Variants in FUT9 observed in about 807,000 individuals in gnomAD.
FUT9 encodes the protein fucosyltransferase 9.
In FUT9, 15 loss-of-function variants were observed where a neutral mutation model predicts 29.7. That is an observed-to-expected ratio of 0.51 (90% confidence interval 0.34 to 0.78). FUT9 has a LOEUF of 0.78. Ranked by LOEUF, FUT9 falls within the 30% of genes least tolerant of loss-of-function variation. The pLI, the probability that FUT9 is intolerant of heterozygous loss-of-function variation, is 0.01. For missense variants in FUT9, 319 were observed against 425.4 expected (o/e 0.75, Z 2.20); for synonymous variants, 169 against 153.7 (o/e 1.10, Z -0.74).
intron 2 of FUT9, among the ~76,000 whole-genome samples, chr6:96,185,089 T>C (rs933062165): frequency 6.6e-6 from 1 of 152,032 alleles, no homozygotes; most frequent in Non-Finnish European, 1.5e-5. Context: ...AATCCCCTGA[T>C]AATCAAAAGA....
chr6:96,167,899 T>C (rs1434893065), intron 2 of FUT9, among the ~76,000 whole-genome samples: 1 of 151,954 alleles, frequency 6.6e-6, no homozygotes. Flanking sequence ...GCCAGGGAAC[T>C]GGGGGAAAAG....
rs1773940004 is a variant in FUT9, at chr6:96,211,701, T to G, written c.*7466T>G. 2 of 171,034 alleles carry G rather than the reference T, an allele frequency of 1.2e-5. No homozygotes were observed. The allele number at this position is 171,034 out of a possible 1,614,324, so 10.6% of individuals were successfully genotyped here. On this transcript the variant is annotated 3_prime_UTR_variant, in exon 3 of 3. Coordinates refer to ENST00000302103, the MANE Select transcript of FUT9 (RefSeq NM_006581.4). The stretch of plus-strand genomic sequence containing the variant: ...TCTCAGTTGTTCAAGTGTACAAATT[T>G]AAAGCTGTACTATGTTAGAATAAAA...
In FUT9 at chr6:96,209,398, A is replaced by G. The variant is rs890862561; in HGVS notation, c.*5163A>G. 1.8e-5 allele frequency: 3 copies of G among 166,812 alleles called. No individual in the cohort carries two copies. The highest frequency in any genetic ancestry group is 4.4e-5 in the Non-Finnish European group (3 of 68,008). The allele number at this position is 166,812 out of a possible 1,614,324, so 10.3% of individuals were successfully genotyped here. A position where few individuals can be genotyped will look rare whatever the true frequency, so the allele number is the denominator to read the frequency against. ...CTCAATTAACTGACATTCCTCCTGT[A>G]TTTCCTCCCTCCCCTTAGTTGTCTA... is the stretch of plus-strand genomic sequence containing the variant. On this transcript the variant is annotated 3_prime_UTR_variant, in exon 3 of 3. Transcript: ENST00000302103.
intron 2 of FUT9, among the ~76,000 whole-genome samples, chr6:96,135,015 T>C (rs1772320492): frequency 7.7e-6 from 1 of 129,416 alleles, no homozygotes; most frequent in Non-Finnish European, 1.8e-5. Context: ...ACCTGGCATT[T>C]CAAAAAGGTG....
chr6:96,169,494 G>T (rs1773072988), intron 2 of FUT9, among the ~76,000 whole-genome samples: 1 of 152,168 alleles, frequency 6.6e-6, no homozygotes, highest in Admixed American at 6.5e-5. Context: ...ATTGCTAGGT[G>T]TGGAGGGAGT....
In FUT9 at chr6:96,091,796, T is replaced by C. The variant is rs566775016; in HGVS notation, c.-97-22243T>C. 2.0e-5 allele frequency among the ~76,000 whole-genome samples: 3 copies of C among 152,214 alleles called. No homozygotes were observed. In the East Asian group the frequency reaches 5.8e-4, roughly 29 times the overall value. ...TCCTCATCAATTTGGAAATTTTCCATTTAAAAAGTTGGTAAGGAGGGGCTT... is the reference window on the plus strand; with the variant it reads ...TCCTCATCAATTTGGAAATTTTCCACTTAAAAAGTTGGTAAGGAGGGGCTT... On this transcript the variant is annotated intron_variant, in intron 1 of 2. Transcript: ENST00000302103.
intron 2 of FUT9, among the ~76,000 whole-genome samples, chr6:96,162,624 C>T (rs1772933449): frequency 6.6e-6 from 1 of 152,162 alleles, no homozygotes. Flanking sequence ...AATAATCTAA[C>T]TCCTAGCCAG....
In FUT9 at chr6:96,210,607, A is replaced by T. The variant is rs1382921104; in HGVS notation, c.*6372A>T. On this transcript the variant is annotated 3_prime_UTR_variant, in exon 3 of 3. Coordinates refer to ENST00000302103, the MANE Select transcript of FUT9 (RefSeq NM_006581.4). ...AATAAAAGATTATATATCTTGAAAA[A>T]AATCTCTAATTTGCTTTCTAGGTTC... 6.0e-6 allele frequency: 1 copy of T among 166,874 alleles called. No homozygotes were observed. The highest frequency in any genetic ancestry group is 1.5e-5 in the Non-Finnish European group (1 of 68,032). The allele number at this position is 166,874 out of a possible 1,614,324, so 10.3% of individuals were successfully genotyped here.
At chr6:96,192,169 T>C (rs1773524099) in intron 2 of FUT9, among the ~76,000 whole-genome samples, 2 of 152,024 alleles carry the variant, frequency 1.3e-5, no homozygotes, top group Non-Finnish European at 1.5e-5. Context: ...CTCTCACCAC[T>C]CCTATTCAAC....
intron 2 of FUT9, among the ~76,000 whole-genome samples, chr6:96,152,911 G>A (rs950448401): frequency 2.0e-5 from 3 of 152,220 alleles, no homozygotes; most frequent in Admixed American, 2.0e-4. Flanking sequence ...CCACGAACAC[G>A]GTTCAGTTAA....
chr6:96,213,885 T>C lies in FUT9; in HGVS notation c.*9650T>C, dbSNP rs1030185487. 3 of 166,936 alleles carry C rather than the reference T, an allele frequency of 1.8e-5. No individual in the cohort carries two copies. The highest frequency in any genetic ancestry group is 7.2e-5 in the African/African-American group (3 of 41,432). 10.3% of individuals were successfully genotyped at this position (166,936 alleles called of 1,614,324 possible). A position where few individuals can be genotyped will look rare whatever the true frequency, so the allele number is the denominator to read the frequency against. The stretch of plus-strand genomic sequence containing the variant: ...ATTATATGACTATATTAAGGTTGTG[T>C]TTATATTAGGTGAAAAATTGCATGC... On this transcript the variant is annotated 3_prime_UTR_variant, in exon 3 of 3. Coordinates refer to ENST00000302103, the MANE Select transcript of FUT9 (RefSeq NM_006581.4).
chr6:96,129,095 A>G lies in FUT9; in HGVS notation c.-9+14968A>G, dbSNP rs1370283268. Among the ~76,000 whole-genome samples the G allele has an allele frequency of 2.6e-5, 3 of 113,800 alleles. No homozygotes were observed. The East Asian group carries it at 6.2e-4, about 24-fold the overall frequency. 74.7% of individuals were successfully genotyped at this position (113,800 alleles called of 152,430 possible). On this transcript the variant is annotated intron_variant, in intron 2 of 2. Coordinates refer to ENST00000302103, the MANE Select transcript of FUT9 (RefSeq NM_006581.4). ...ACACGGTGAAACCCTGTCTCTACTA[A>G]AAATACAAAAAAAAAAAAAAATAGC...
At chr6:96,133,794 C>T (rs1037393044) in intron 2 of FUT9, among the ~76,000 whole-genome samples, 7 of 151,878 alleles carry the variant, frequency 4.6e-5, no homozygotes, top group African/African-American at 1.7e-4. Flanking sequence ...AAATTACTTG[C>T]TAAATTAGTA....
intron 2 of FUT9, among the ~76,000 whole-genome samples, chr6:96,183,630 T>C (rs1773350845): frequency 6.6e-6 from 1 of 152,078 alleles, no homozygotes; most frequent in African/African-American, 2.4e-5. Flanking sequence ...TATGTTGATT[T>C]TGTTGAGAGT....
Position 96,212,394 on chromosome 6 carries a change from T to A in FUT9, c.*8159T>A. The A allele has an allele frequency of 2.4e-6, 1 of 412,406 alleles. No homozygotes were observed. The highest frequency in any genetic ancestry group is 4.4e-6 in the Non-Finnish European group (1 of 225,328). The allele number at this position is 412,406 out of a possible 1,614,324, so 25.5% of individuals were successfully genotyped here. On this transcript the variant is annotated 3_prime_UTR_variant, in exon 3 of 3. Transcript: ENST00000302103. Reference sequence around the variant, plus strand: ...AGAGTCCTTAAGCAAATGAAGATTATCTGATTGTCTATGTAAACCTGGAAG... The same window carrying A: ...AGAGTCCTTAAGCAAATGAAGATTAACTGATTGTCTATGTAAACCTGGAAG...
At chr6:96,182,678 C>A (rs185253952) in intron 2 of FUT9, among the ~76,000 whole-genome samples, 4 of 152,172 alleles carry the variant, frequency 2.6e-5, no homozygotes, top group Admixed American at 6.6e-5. Context: ...TATCCCAGCA[C>A]CATTTGTGGA....
chr6:96,100,459 G>A (rs1215423172), intron 1 of FUT9, among the ~76,000 whole-genome samples: 1 of 152,092 alleles, frequency 6.6e-6, no homozygotes, highest in Admixed American at 6.6e-5. Flanking sequence ...GAGTACAGAG[G>A]ATTTAAAGAT....
At chr6:96,109,731 T>C (rs949150230) in intron 1 of FUT9, among the ~76,000 whole-genome samples, 9 of 152,208 alleles carry the variant, frequency 5.9e-5, no homozygotes, top group African/African-American at 1.2e-4. Context: ...CTTGCCCCTC[T>C]ATTGTCAACA....
chr6:96,027,341 G>A (rs974996865), intron 1 of FUT9, among the ~76,000 whole-genome samples: 4 of 151,510 alleles, frequency 2.6e-5, no homozygotes, highest in African/African-American at 7.3e-5. Context: ...AAAGCATCTC[G>A]CCTTTCTTCT....
Sources: gnomAD v4.1 joint callset for allele counts (sites outside exome capture counted in the v4.1 genomes callset) on GRCh38, gnomAD v4.1.1 for gene constraint, MANE v1.5 for transcripts, NCBI Gene and HGNC (gene_info 2026-07-23, HGNC 2026-07-21) for gene names.